The following SLC25A40 variants were observed in gnomAD, a reference collection of about 807,000 sequenced individuals.
SLC25A40 encodes the protein solute carrier family 25 member 40.
Under a neutral mutation model 46.5 loss-of-function variants are expected in SLC25A40, and 41 were observed. The observed-to-expected ratio is 0.88, with a 90% CI of 0.69 to 1.14. SLC25A40 has a LOEUF of 1.14. Ranked by LOEUF, SLC25A40 falls within the 50% of genes most tolerant of loss-of-function variation. The probability of loss-of-function intolerance (pLI) is 0.00; values close to 1 mark genes in which losing one functional copy is unlikely to be tolerated. For missense variants in SLC25A40, 386 were observed against 393.6 expected, an observed-to-expected ratio of 0.98 and a Z score of 0.16; for synonymous variants, 126 against 127.5, an observed-to-expected ratio of 0.99 and a Z score of 0.08.
intron 3 of SLC25A40, among the ~76,000 whole-genome samples, 184 bp downstream of exon 3, chr7:87,858,447 C>G (rs1359636182): frequency 1.3e-5 from 2 of 152,182 alleles, no homozygotes; most frequent in African/African-American, 4.8e-5. Context: ...ACGGTCCTAC[C>G]AATATGTGAT....
At chr7:87,861,729 A>G (rs1296524545) in intron 1 of SLC25A40, among the ~76,000 whole-genome samples, 1 of 152,176 alleles carries the variant, frequency 6.6e-6, no homozygotes, top group Non-Finnish European at 1.5e-5. Flanking sequence ...CAGAATGGTA[A>G]AACGGCCCAC....
chr7:87,869,303 A>G lies in SLC25A40; in HGVS notation c.-94+6793T>C, dbSNP rs148181482. On this transcript the variant is annotated intron_variant, in intron 1 of 11. Transcript: ENST00000341119. ...CACTTTGGGGGGCCGAGTGAGGCAAACTGCTTGACCTCAGGAGTTTCAGAC... is the reference window on the plus strand; with the variant it reads ...CACTTTGGGGGGCCGAGTGAGGCAAGCTGCTTGACCTCAGGAGTTTCAGAC... Among the ~76,000 whole-genome samples, 45 of 152,236 alleles carry G rather than the reference A, an allele frequency of 3.0e-4. No individual in the cohort carries two copies. In the East Asian group the frequency reaches 7.9e-3, roughly 27 times the overall value.
At position 87,843,741 on chromosome 7, in the gene SLC25A40, A is replaced by G; in HGVS notation, c.741+13T>C. 6.4e-7 allele frequency: 1 copy of G among 1,562,486 alleles called. No individual in the cohort carries two copies. Among genetic ancestry groups the G allele is most frequent in the Non-Finnish European group, 8.8e-7 (1 of 1,137,542 alleles). ...ATTCTTCTGGAATATTAACAACAAA[A>G]GAATAAACTTACAGAACCAGACAAT... On this transcript the variant is annotated intron_variant, in intron 9 of 11. Transcript: ENST00000341119.
At chr7:87,840,821 C>G (rs182112615) in intron 10 of SLC25A40, among the ~76,000 whole-genome samples, 30 of 151,888 alleles carry the variant, frequency 2.0e-4, no homozygotes, top group Admixed American at 1.7e-3. Context: ...CCATCAGATT[C>G]ATTTGTAGAG....
chr7:87,872,168 T>A (rs1357276661), intron 1 of SLC25A40, among the ~76,000 whole-genome samples: 1 of 152,202 alleles, frequency 6.6e-6, no homozygotes, highest in Non-Finnish European at 1.5e-5. Context: ...TTACATAATC[T>A]TCTTACTTTT....
chr7:87,857,120 C>T (rs1339375152), intron 3 of SLC25A40, among the ~76,000 whole-genome samples: 1 of 152,148 alleles, frequency 6.6e-6, no homozygotes, highest in Non-Finnish European at 1.5e-5. Context: ...GCTACATCTA[C>T]AAGAAGCTGA....
chr7:87,854,636 C>A (rs1423545500), intron 4 of SLC25A40, among the ~76,000 whole-genome samples: 1 of 150,486 alleles, frequency 6.6e-6, no homozygotes. Flanking sequence ...CACAGTGAAA[C>A]CCTGTTTCTA....
intron 6 of SLC25A40, among the ~76,000 whole-genome samples, chr7:87,849,282 G>C (rs1838470971): frequency 6.6e-6 from 1 of 152,074 alleles, no homozygotes; most frequent in Admixed American, 6.6e-5. Context: ...CTGACCTCTG[G>C]ACAACTCGTG....
At chr7:87,864,195 T>C (rs777242200) in intron 1 of SLC25A40, among the ~76,000 whole-genome samples, 1 of 152,210 alleles carries the variant, frequency 6.6e-6, no homozygotes, top group Non-Finnish European at 1.5e-5. Context: ...GCTGTCTCTC[T>C]CCCTTTAGGA....
At position 87,863,036 on chromosome 7, in the gene SLC25A40, A is replaced by G. The variant is rs146185121; in HGVS notation, c.-93-2396T>C. On this transcript the variant is annotated intron_variant, in intron 1 of 11. Coordinates refer to ENST00000341119, the MANE Select transcript of SLC25A40 (RefSeq NM_018843.4). ...CAAACTGTATCACCTTCCCCTGGCC[A>G]ATAAAGATGCTTAACATCTCTGCAT... is the stretch of plus-strand genomic sequence containing the variant. 2.4e-3 allele frequency among the ~76,000 whole-genome samples: 372 copies of G among 152,312 alleles called. 13 individuals carry two copies. The East Asian group carries it at 0.057, about 23-fold the overall frequency.
At position 87,858,183 on chromosome 7, in the gene SLC25A40, C is replaced by G. The variant is rs185564198; in HGVS notation, c.97+448G>C. On this transcript the variant is annotated intron_variant, in intron 3 of 11. Transcript: ENST00000341119. ...CTGTTGTTTAAGATGTTTATCAAGA[C>G]AAAACGTGCACTGCTGAACATAGAC... Among the ~76,000 whole-genome samples the G allele has an allele frequency of 5.9e-5, 9 of 152,336 alleles. No homozygotes were observed. In the South Asian group the frequency reaches 6.2e-4, roughly 11 times the overall value.
intron 9 of SLC25A40, among the ~76,000 whole-genome samples, chr7:87,842,675 T>A (rs1282166213): frequency 6.6e-6 from 1 of 152,114 alleles, no homozygotes; most frequent in African/African-American, 2.4e-5. Context: ...TGGTTTAGGC[T>A]GTTCTGTTTT....
At chr7:87,870,310 A>AT (rs1179008150) in intron 1 of SLC25A40, among the ~76,000 whole-genome samples, 1 of 151,936 alleles carries the variant, frequency 6.6e-6, no homozygotes, top group African/African-American at 2.4e-5. Flanking sequence ...CAATTTGCCT[A>AT]TTTTTTCTGT....
Position 87,858,624 on chromosome 7 carries a change from AT to A in SLC25A40, c.97+6del. 2 of 1,483,466 alleles carry A rather than the reference AT, an allele frequency of 1.3e-6. No individual in the cohort carries two copies. Among genetic ancestry groups the A allele is most frequent in the Non-Finnish European group, 1.9e-6 (2 of 1,061,378 alleles). 91.9% of individuals were successfully genotyped at this position (1,483,466 alleles called of 1,614,324 possible). On this transcript the variant is annotated splice_donor_region_variant and intron_variant, in intron 3 of 11. Transcript: ENST00000341119. Reference sequence around the variant, plus strand: ...TTACATAATCTACATCAGTAACATAATTTTACCTATTACTGATGTCAGTATA... The same window carrying A: ...TTACATAATCTACATCAGTAACATAATTTACCTATTACTGATGTCAGTATA...
chr7:87,871,587 T>C (rs1357639080), intron 1 of SLC25A40, among the ~76,000 whole-genome samples: 2 of 152,260 alleles, frequency 1.3e-5, no homozygotes, highest in Non-Finnish European at 2.9e-5. Flanking sequence ...TCTATTGAGA[T>C]GATACATACG....
At chr7:87,847,738 A>G in intron 7 of SLC25A40, 115 bp downstream of exon 7, 1 of 1,025,952 alleles carries the variant, frequency 9.7e-7, no homozygotes, top group Non-Finnish European at 1.3e-6. Context: ...ATAAACTATA[A>G]TGCAAAATAT....
At chr7:87,868,834 G>A (rs1253566457) in intron 1 of SLC25A40, among the ~76,000 whole-genome samples, 1 of 152,122 alleles carries the variant, frequency 6.6e-6, no homozygotes, top group Non-Finnish European at 1.5e-5. Context: ...CTGGTCATTA[G>A]TGATCAACTT....
At position 87,844,061 on chromosome 7, in the gene SLC25A40, C is replaced by CA. The variant is rs1040542340; in HGVS notation, c.632-199dup. 537 of 889,996 alleles carry CA rather than the reference C, an allele frequency of 6.0e-4. 2 individuals carry two copies. The Middle Eastern group carries it at 0.017, about 28-fold the overall frequency. 55.1% of individuals were successfully genotyped at this position (889,996 alleles called of 1,614,324 possible). ...AGTAATATTCTAGTAGTCCTATAAA[C>CA]AAAAAAAACTATGCATCAATAAAGT... On this transcript the variant is annotated intron_variant, in intron 8 of 11. Coordinates refer to ENST00000341119, the MANE Select transcript of SLC25A40 (RefSeq NM_018843.4).
In SLC25A40 at chr7:87,834,629, C is replaced by G. The variant is rs1838233839; in HGVS notation, c.*1620G>C. ...GAAATATATAACTGCCTTTTGGGAA[C>G]AGTATTTTTTCTGTTTTCTATGAAT... On this transcript the variant is annotated 3_prime_UTR_variant, in exon 12 of 12. Transcript: ENST00000341119. 1 of 151,616 alleles carries G rather than the reference C, an allele frequency of 6.6e-6. No individual in the cohort carries two copies. The highest frequency in any genetic ancestry group is 1.9e-4 in the East Asian group (1 of 5,172). The allele number at this position is 151,616 out of a possible 1,614,324, so 9.4% of individuals were successfully genotyped here. A position where few individuals can be genotyped will look rare whatever the true frequency, so the allele number is the denominator to read the frequency against.
Sources: allele counts gnomAD v4.1 joint callset (sites outside exome capture counted in the v4.1 genomes callset), GRCh38; gene constraint gnomAD v4.1.1; transcripts MANE v1.5; gene names NCBI Gene and HGNC (gene_info 2026-07-23, HGNC 2026-07-21).